Variants in PSD3 observed in about 807,000 individuals in gnomAD.
PSD3 encodes the protein PH and SEC7 domain-containing protein 3.
In PSD3, 49 loss-of-function variants were observed where a neutral mutation model predicts 105.5. The observed-to-expected ratio is 0.46, with a 90% confidence interval of 0.37 to 0.59. The LOEUF (loss-of-function observed/expected upper bound fraction) is 0.59, where lower values mean the gene tolerates loss of function less well. Ranked by LOEUF, PSD3 falls within the 20% of genes least tolerant of loss-of-function variation. PSD3 has a pLI of 0.00. For missense variants in PSD3, 1,561 were observed against 1,263.8 expected (o/e 1.24, Z -3.57); for synonymous variants, 557 against 457.8 (o/e 1.22, Z -2.77).
chr8:19,020,085 A>G (rs1827316248), intron 1 of PSD3, among the ~76,000 whole-genome samples: 1 of 152,128 alleles, frequency 6.6e-6, no homozygotes, highest in Admixed American at 6.5e-5. Context: ...TCTTTCATTC[A>G]TTCATGTGAC....
intron 15 of PSD3, among the ~76,000 whole-genome samples, chr8:18,540,896 T>C (rs1800115822): frequency 1.3e-5 from 2 of 152,144 alleles, no homozygotes; most frequent in Admixed American, 6.5e-5. Flanking sequence ...GTTCTGTCCC[T>C]GGGCTTGAAT....
At chr8:19,082,127 A>C (rs1262984338) in intron 1 of PSD3, among the ~76,000 whole-genome samples, 1 of 152,234 alleles carries the variant, frequency 6.6e-6, no homozygotes, top group Non-Finnish European at 1.5e-5. Flanking sequence ...TAATCTGTCC[A>C]GGGCTGGACA....
At chr8:18,720,168 T>G (rs914478250) in intron 9 of PSD3, among the ~76,000 whole-genome samples, 5 of 151,908 alleles carry the variant, frequency 3.3e-5, no homozygotes, top group Admixed American at 6.6e-5. Context: ...AGCAGAGAAG[T>G]TGGAAAACAA....
intron 9 of PSD3, among the ~76,000 whole-genome samples, chr8:18,750,970 G>T (rs1350317429): frequency 6.6e-6 from 1 of 152,166 alleles, no homozygotes. Context: ...CAGGAGACCA[G>T]CTGGCTTCAC....
At chr8:18,700,927 T>C (rs1801540513) in intron 9 of PSD3, among the ~76,000 whole-genome samples, 1 of 152,178 alleles carries the variant, frequency 6.6e-6, no homozygotes, top group African/African-American at 2.4e-5. Context: ...TCCAAGGTCT[T>C]TGGAAATTTA....
intron 4 of PSD3, among the ~76,000 whole-genome samples, chr8:18,854,600 T>C (rs1008201318): frequency 6.6e-6 from 1 of 152,204 alleles, no homozygotes. Context: ...CTAAAGTTTT[T>C]TGAACAACTA....
At chr8:18,752,574 TA>T (rs1368605650) in intron 9 of PSD3, among the ~76,000 whole-genome samples, 12 of 55,874 alleles carry the variant, frequency 2.1e-4, no homozygotes, top group East Asian at 5.2e-4. Context: ...ATTATATATA[TA>T]ATTATATATA....
intron 1 of PSD3, among the ~76,000 whole-genome samples, chr8:18,988,174 C>T (rs1261915505): frequency 7.0e-6 from 1 of 143,564 alleles, no homozygotes; most frequent in East Asian, 2.0e-4. Flanking sequence ...AGCAGCCTGT[C>T]ACTAGAAAAG....
In PSD3 at chr8:18,531,602, T is replaced by C. The variant is rs17126760; in HGVS notation, c.*4141A>G. 0.064 allele frequency: 9,805 copies of C among 152,372 alleles called. 845 individuals are homozygous for C. Among genetic ancestry groups the C allele is most frequent in the African/African-American group, 0.19 (7,700 of 41,534 alleles). 9.4% of individuals were successfully genotyped at this position (152,372 alleles called of 1,614,324 possible). On this transcript the variant is annotated 3_prime_UTR_variant, in exon 16 of 16. Coordinates refer to ENST00000327040, the MANE Select transcript of PSD3 (RefSeq NM_015310.4). ...CAGTGGCATGGCCTGGGAGACAAGA[T>C]GGCCAGAAAGCTGTGGAGCAAGGTA... is the stretch of plus-strand genomic sequence containing the variant.
At chr8:18,908,169 CCTTT>C (rs1819967808) in intron 2 of PSD3, among the ~76,000 whole-genome samples, 1 of 152,038 alleles carries the variant, frequency 6.6e-6, no homozygotes, top group Admixed American at 6.6e-5. Context: ...TAAATTTGTG[CCTTT>C]CAGAATGAAT....
intron 12 of PSD3, among the ~76,000 whole-genome samples, chr8:18,592,565 A>G (rs1803689485): frequency 6.6e-6 from 1 of 152,206 alleles, no homozygotes. Flanking sequence ...ACCAAATTAT[A>G]AAAAGTCAAA....
chr8:18,956,584 A>C (rs999960250), intron 1 of PSD3, among the ~76,000 whole-genome samples: 1 of 152,236 alleles, frequency 6.6e-6, no homozygotes, highest in African/African-American at 2.4e-5. Context: ...CCTTAAAAGA[A>C]TCAGATTAAT....
At chr8:18,870,275 GAAGAA>G (rs1290851377) in intron 3 of PSD3, among the ~76,000 whole-genome samples, 1 of 152,198 alleles carries the variant, frequency 6.6e-6, no homozygotes, top group Non-Finnish European at 1.5e-5. Flanking sequence ...AGGGCTGACA[GAAGAA>G]AAGATGGTAC....
intron 11 of PSD3, among the ~76,000 whole-genome samples, chr8:18,605,154 T>C (rs1360635066): frequency 1.3e-5 from 2 of 152,138 alleles, no homozygotes; most frequent in East Asian, 3.9e-4. Flanking sequence ...GCACCATATA[T>C]GCCTGGAAAA....
At chr8:19,050,843 T>A (rs1237576219) in intron 1 of PSD3, among the ~76,000 whole-genome samples, 2 of 151,660 alleles carry the variant, frequency 1.3e-5, no homozygotes, top group Non-Finnish European at 2.9e-5. Context: ...TAAAAAAAAA[T>A]ACAGAAAAAG....
rs138122473 is a variant in PSD3, at chr8:18,823,227, T to C, written c.1635-18329A>G. Among the ~76,000 whole-genome samples the C allele has an allele frequency of 1.4e-4, 21 of 152,212 alleles. No individual in the cohort carries two copies. In the East Asian group the frequency reaches 4.1e-3, roughly 29 times the overall value. On this transcript the variant is annotated intron_variant, in intron 4 of 15. Transcript: ENST00000327040. ...TCTTCGGAGTCTGCAGAAAATAAGATGCACTTTGGCACCATTCTTCAAGCT... is the reference window on the plus strand; with the variant it reads ...TCTTCGGAGTCTGCAGAAAATAAGACGCACTTTGGCACCATTCTTCAAGCT...
chr8:18,828,058 T>C (rs547514783), intron 4 of PSD3, among the ~76,000 whole-genome samples: 1 of 113,006 alleles, frequency 8.8e-6, no homozygotes, highest in Non-Finnish European at 1.8e-5. Flanking sequence ...TATATATATA[T>C]ATATATATAT....
At position 19,069,022 on chromosome 8, in the gene PSD3, A is replaced by G. The variant is rs143396131; in HGVS notation, c.324+15184T>C. Among the ~76,000 whole-genome samples the G allele has an allele frequency of 1.6e-3, 243 of 152,250 alleles. 4 individuals are homozygous for G. Among genetic ancestry groups the G allele is most frequent in the East Asian group, 0.015 (80 of 5,172 alleles). On this transcript the variant is annotated intron_variant, in intron 1 of 1. Coordinates refer to the PSD3 transcript ENST00000521475. The stretch of plus-strand genomic sequence containing the variant: ...TAATACCTCAGCTTCCATCGCACCC[A>G]ACTCACAGTTCTGATGGGGCTATTC...
intron 9 of PSD3, chr8:18,763,064 G>A: frequency 2.0e-6 from 1 of 498,536 alleles, no homozygotes; most frequent in Non-Finnish European, 3.8e-6. Context: ...AATGTTTCCA[G>A]CTACAAAATG....
Sources: gnomAD v4.1 joint callset for allele counts (sites outside exome capture counted in the v4.1 genomes callset) on GRCh38, gnomAD v4.1.1 for gene constraint, MANE v1.5 for transcripts, NCBI Gene and HGNC (gene_info 2026-07-23, HGNC 2026-07-21) for gene names.